CNTN5: variants seen among roughly 807,000 people sequenced by gnomAD.
CNTN5 encodes the protein contactin 5.
Under a neutral mutation model 129.1 loss-of-function variants are expected in CNTN5, and 77 were observed. That is an observed-to-expected ratio of 0.60 (90% confidence interval 0.50 to 0.72). CNTN5 has a LOEUF of 0.72. Among genes scored for constraint, CNTN5 ranks in the 30% least tolerant of loss-of-function variants. The pLI, the probability that CNTN5 is intolerant of heterozygous loss-of-function variation, is 0.00. For synonymous variants in CNTN5, 509 were observed against 465.6 expected, an observed-to-expected ratio of 1.09 and a Z score of -1.20; for missense variants, 1,478 against 1,328.8, an observed-to-expected ratio of 1.11 and a Z score of -1.75.
intron 18 of CNTN5, among the ~76,000 whole-genome samples, chr11:100,287,125 G>T (rs557377630): frequency 6.8e-4 from 103 of 152,260 alleles, no homozygotes; most frequent in African/African-American, 2.4e-3. Flanking sequence ...CCAAATCTAC[G>T]TCTGATTGGT....
chr11:99,759,985 A>G (rs1003492119), intron 3 of CNTN5, among the ~76,000 whole-genome samples: 4 of 152,070 alleles, frequency 2.6e-5, no homozygotes, highest in African/African-American at 9.7e-5. Context: ...TCAGTTTCAG[A>G]CACACAGAGT....
At chr11:99,671,109 G>A (rs972318055) in intron 3 of CNTN5, among the ~76,000 whole-genome samples, 2 of 149,754 alleles carry the variant, frequency 1.3e-5, no homozygotes, top group Non-Finnish European at 3.0e-5. Flanking sequence ...TCGCTCGCTC[G>A]CTCTTGCTCT....
chr11:99,895,762 G>A (rs1336038889), intron 6 of CNTN5, among the ~76,000 whole-genome samples: 2 of 152,144 alleles, frequency 1.3e-5, no homozygotes, highest in African/African-American at 4.8e-5. Flanking sequence ...GCTATGTGGA[G>A]TCTGTGCAGA....
intron 1 of CNTN5, among the ~76,000 whole-genome samples, chr11:99,319,212 A>G (rs1865463885): frequency 6.6e-6 from 1 of 152,208 alleles, no homozygotes; most frequent in South Asian, 2.1e-4. Flanking sequence ...TATGGAGTCT[A>G]CTGTTATCAT....
intron 2 of CNTN5, among the ~76,000 whole-genome samples, chr11:99,357,710 T>G (rs1938777680): frequency 6.6e-6 from 1 of 152,072 alleles, no homozygotes; most frequent in South Asian, 2.1e-4. Context: ...TATAATAAAT[T>G]TAAGTTAACA....
At chr11:99,431,534 G>A (rs1179859588) in intron 2 of CNTN5, among the ~76,000 whole-genome samples, 1 of 152,090 alleles carries the variant, frequency 6.6e-6, no homozygotes, top group East Asian at 1.9e-4. Flanking sequence ...TTGGAGGGGG[G>A]AAACTCCCAG....
At position 100,315,486 on chromosome 11, in the gene CNTN5, T is replaced by C. The variant is rs371774839; in HGVS notation, c.2730+7018T>C. 4.8e-4 allele frequency among the ~76,000 whole-genome samples: 73 copies of C among 152,308 alleles called. 3 individuals are homozygous for C. In the South Asian group the frequency reaches 8.9e-3, roughly 19 times the overall value. The stretch of plus-strand genomic sequence containing the variant: ...GAATGATGACAGCCAGACAAAGTGA[T>C]CAATGGTAAGGGGCTTGAGGACAAT... On this transcript the variant is annotated intron_variant, in intron 21 of 24. Coordinates refer to ENST00000524871, the MANE Select transcript of CNTN5 (RefSeq NM_014361.4).
At chr11:99,620,037 A>AAAAAACCAAAAAGAAAAAAAAAC (rs1555049913) in intron 3 of CNTN5, among the ~76,000 whole-genome samples, 3 of 147,774 alleles carry the variant, frequency 2.0e-5, no homozygotes, top group Non-Finnish European at 3.0e-5. Flanking sequence ...AAAAAAAAAA[A>AAAAAACCAAAAAGAAAAAAAAAC]CAAAAAACAA....
At chr11:99,063,824 A>G (rs1864987800) in intron 1 of CNTN5, among the ~76,000 whole-genome samples, 1 of 152,150 alleles carries the variant, frequency 6.6e-6, no homozygotes, top group South Asian at 2.1e-4. Flanking sequence ...ATATCTCTCT[A>G]GACCCCATCC....
intron 3 of CNTN5, among the ~76,000 whole-genome samples, chr11:99,610,190 G>C (rs1285156849): frequency 6.6e-6 from 1 of 152,100 alleles, no homozygotes; most frequent in Non-Finnish European, 1.5e-5. Flanking sequence ...AGGATTAAGC[G>C]AATATTAAGT....
At chr11:99,809,504 C>A (rs1336518619) in intron 3 of CNTN5, among the ~76,000 whole-genome samples, 1 of 151,954 alleles carries the variant, frequency 6.6e-6, no homozygotes, top group Non-Finnish European at 1.5e-5. Flanking sequence ...GTGTCTATGT[C>A]CAAAAATGTC....
intron 2 of CNTN5, among the ~76,000 whole-genome samples, chr11:99,399,580 A>C (rs1385447093): frequency 6.9e-6 from 1 of 145,598 alleles, no homozygotes; most frequent in Admixed American, 7.1e-5. Flanking sequence ...TTGTAGTTAT[A>C]TATGCAATGG....
intron 13 of CNTN5, among the ~76,000 whole-genome samples, chr11:100,106,487 AG>A (rs76532667): frequency 0.07 from 10,614 of 152,192 alleles, 453 homozygotes; most frequent in Middle Eastern, 0.22. Flanking sequence ...TGAGGGAATG[AG>A]GGAGGAGGGA....
chr11:100,345,056 C>T (rs1298885727), intron 23 of CNTN5, among the ~76,000 whole-genome samples: 1 of 152,032 alleles, frequency 6.6e-6, no homozygotes, highest in African/African-American at 2.4e-5. Flanking sequence ...CATTTGAGCT[C>T]CCCATTGTCC....
At chr11:99,398,272 C>T (rs943181242) in intron 2 of CNTN5, among the ~76,000 whole-genome samples, 1 of 151,828 alleles carries the variant, frequency 6.6e-6, no homozygotes, top group Non-Finnish European at 1.5e-5. Flanking sequence ...GACTTAGGGT[C>T]AAACCGTTTT....
chr11:99,941,965 T>G (rs2136114196), intron 7 of CNTN5, among the ~76,000 whole-genome samples: 1 of 152,126 alleles, frequency 6.6e-6, no homozygotes, highest in Admixed American at 6.6e-5. Context: ...TTCACTAAAC[T>G]TAAAATAACC....
At chr11:99,370,375 A>G (rs751715310) in intron 2 of CNTN5, among the ~76,000 whole-genome samples, 2 of 152,214 alleles carry the variant, frequency 1.3e-5, no homozygotes, top group Non-Finnish European at 2.9e-5. Context: ...AAAATTTTGT[A>G]GTCACATTTC....
chr11:99,727,377 T>C lies in CNTN5; in HGVS notation c.56-92167T>C, dbSNP rs1401806822. ...GCTATTGTGTGTTATTAGAATATTG[T>C]TATGAAATAAACAATGATAAGCCCG... On this transcript the variant is annotated intron_variant, in intron 3 of 24. Coordinates refer to ENST00000524871, the MANE Select transcript of CNTN5 (RefSeq NM_014361.4). Among the ~76,000 whole-genome samples, 6 of 149,610 alleles carry C rather than the reference T, an allele frequency of 4.0e-5. No homozygotes were observed. The Admixed American group carries it at 4.0e-4, about 10-fold the overall frequency.
intron 9 of CNTN5, among the ~76,000 whole-genome samples, chr11:100,060,215 T>TAAA (rs201170131): frequency 1.5e-5 from 2 of 130,192 alleles, no homozygotes; most frequent in South Asian, 2.4e-4. Context: ...CAAAAAATAT[T>TAAA]AAAAAAAAAA....
Sources: allele counts gnomAD v4.1 joint callset (sites outside exome capture counted in the v4.1 genomes callset), GRCh38; gene constraint gnomAD v4.1.1; transcripts MANE v1.5; gene names NCBI Gene and HGNC (gene_info 2026-07-23, HGNC 2026-07-21).